GPM6A: variants seen among roughly 807,000 people sequenced by gnomAD.
The protein encoded by GPM6A is neuronal membrane glycoprotein M6-a.
Under a neutral mutation model 32.1 loss-of-function variants are expected in GPM6A, and 7 were observed. That is an observed-to-expected ratio of 0.22 (90% CI 0.12 to 0.41). GPM6A has a LOEUF of 0.41. Among genes scored for constraint, GPM6A ranks in the 10% least tolerant of loss-of-function variants. GPM6A has a pLI of 1.00. For synonymous variants in GPM6A, 130 were observed against 123.4 expected (o/e 1.05, Z -0.35); for missense variants, 235 against 347.2 (o/e 0.68, Z 2.57).
At chr4:175,986,052 C>G (rs1383235170) in intron 1 of GPM6A, among the ~76,000 whole-genome samples, 6 of 152,106 alleles carry the variant, frequency 3.9e-5, no homozygotes, top group Admixed American at 2.6e-4. Context: ...GATCTGCCCC[C>G]CTCAGCCTCC....
At chr4:175,674,388 G>A (rs909986137) in intron 2 of GPM6A, among the ~76,000 whole-genome samples, 17 of 152,114 alleles carry the variant, frequency 1.1e-4, no homozygotes, top group African/African-American at 4.1e-4. Context: ...TGTTGGCCAG[G>A]CTGGTTCAAA....
At chr4:175,782,190 C>T (rs527999169) in intron 1 of GPM6A, among the ~76,000 whole-genome samples, 1 of 152,224 alleles carries the variant, frequency 6.6e-6, no homozygotes, top group African/African-American at 2.4e-5. Context: ...TATCTAACCC[C>T]AATTTTATTT....
intron 1 of GPM6A, among the ~76,000 whole-genome samples, chr4:175,895,473 T>C (rs1164893087): frequency 6.6e-6 from 1 of 152,168 alleles, no homozygotes; most frequent in African/African-American, 2.4e-5. Flanking sequence ...GTAACTAACA[T>C]TTCAAAAGTG....
intron 4 of GPM6A, among the ~76,000 whole-genome samples, chr4:175,650,473 T>A (rs1472129652): frequency 6.6e-6 from 1 of 151,996 alleles, no homozygotes; most frequent in Non-Finnish European, 1.5e-5. Context: ...CCTGGCTAAT[T>A]TTTTAATTTT....
At chr4:175,687,584 A>C (rs773239242) in intron 2 of GPM6A, among the ~76,000 whole-genome samples, 1 of 151,802 alleles carries the variant, frequency 6.6e-6, no homozygotes, top group Non-Finnish European at 1.5e-5. Flanking sequence ...ATCCATGTAC[A>C]TTTTGTCTGT....
chr4:175,832,751 T>C (rs1157585543), intron 1 of GPM6A, among the ~76,000 whole-genome samples: 4 of 152,224 alleles, frequency 2.6e-5, no homozygotes, highest in Non-Finnish European at 5.9e-5. Flanking sequence ...TATATTGATC[T>C]GTTATATTAT....
chr4:175,893,875 C>T (rs1015955105), intron 1 of GPM6A, among the ~76,000 whole-genome samples: 1 of 151,706 alleles, frequency 6.6e-6, no homozygotes, highest in Non-Finnish European at 1.5e-5. Flanking sequence ...TGCTAAAACT[C>T]GGTAAGAAAA....
At chr4:175,838,080 C>A (rs1735822097) in intron 1 of GPM6A, among the ~76,000 whole-genome samples, 1 of 139,744 alleles carries the variant, frequency 7.2e-6, no homozygotes, top group African/African-American at 2.7e-5. Flanking sequence ...GTTCAGTAGG[C>A]CTTGGTTAAA....
intron 1 of GPM6A, among the ~76,000 whole-genome samples, chr4:175,906,282 G>A (rs1435803629): frequency 6.6e-6 from 1 of 152,102 alleles, no homozygotes; most frequent in African/African-American, 2.4e-5. Context: ...ATCTCACAAT[G>A]ATTCATTAAA....
chr4:175,971,476 A>G (rs1740500443), intron 1 of GPM6A, among the ~76,000 whole-genome samples: 1 of 152,182 alleles, frequency 6.6e-6, no homozygotes, highest in African/African-American at 2.4e-5. Flanking sequence ...TCACGTAAAA[A>G]TTAGAACCAA....
Position 175,808,409 on chromosome 4 carries a change from T to C in GPM6A, c.37+3782A>G, listed in dbSNP as rs1262183252. 4.6e-5 allele frequency among the ~76,000 whole-genome samples: 7 copies of C among 152,182 alleles called. No individual in the cohort carries two copies. The East Asian group carries it at 7.7e-4, about 17-fold the overall frequency. ...TGAGATAGATCAACATTAACATTGA[T>C]ATGAAAAACAAAGAAAATAAACCTG... On this transcript the variant is annotated intron_variant, in intron 1 of 6. Coordinates refer to ENST00000393658, the MANE Select transcript of GPM6A (RefSeq NM_201591.3).
intron 1 of GPM6A, among the ~76,000 whole-genome samples, chr4:175,726,752 T>C (rs1731171880): frequency 6.6e-6 from 1 of 152,312 alleles, no homozygotes; most frequent in African/African-American, 2.4e-5. Flanking sequence ...TCCCAGCATG[T>C]GGGGAGGCCG....
At chr4:175,890,305 A>G (rs1737600095) in intron 1 of GPM6A, among the ~76,000 whole-genome samples, 1 of 152,142 alleles carries the variant, frequency 6.6e-6, no homozygotes, top group East Asian at 1.9e-4. Context: ...TAGAATAAAC[A>G]CCCTAAAGAA....
intron 1 of GPM6A, among the ~76,000 whole-genome samples, chr4:175,939,094 G>T (rs1172924484): frequency 6.6e-6 from 1 of 152,136 alleles, no homozygotes; most frequent in African/African-American, 2.4e-5. Context: ...CATACCTAAA[G>T]ATGTGAATCC....
intron 1 of GPM6A, among the ~76,000 whole-genome samples, chr4:175,984,947 GT>G (rs1358566843): frequency 6.6e-6 from 1 of 152,072 alleles, no homozygotes; most frequent in East Asian, 1.9e-4. Context: ...CCTATATTGG[GT>G]TATAGTCATC....
At chr4:175,778,165 T>G (rs1040897014) in intron 1 of GPM6A, among the ~76,000 whole-genome samples, 4 of 152,198 alleles carry the variant, frequency 2.6e-5, no homozygotes, top group African/African-American at 9.7e-5. Flanking sequence ...TTCTGTTTTC[T>G]TATGGGATTA....
At chr4:175,884,753 C>T (rs755469283) in intron 1 of GPM6A, among the ~76,000 whole-genome samples, 2 of 151,910 alleles carry the variant, frequency 1.3e-5, no homozygotes, top group East Asian at 1.9e-4. Flanking sequence ...AGGTTGGTCT[C>T]GAACTCCTGA....
At chr4:175,637,962 C>T (rs1190961888) in intron 6 of GPM6A, among the ~76,000 whole-genome samples, 1 of 139,566 alleles carries the variant, frequency 7.2e-6, no homozygotes, top group African/African-American at 2.7e-5. Context: ...ACAGGTGCTT[C>T]CTCATGGTTC....
At chr4:175,726,432 C>A (rs370621840) in intron 1 of GPM6A, among the ~76,000 whole-genome samples, 1 of 152,120 alleles carries the variant, frequency 6.6e-6, no homozygotes. Context: ...ACTGTTGTCT[C>A]CATATTGTAG....
Sources: allele counts gnomAD v4.1 joint callset (sites outside exome capture counted in the v4.1 genomes callset), GRCh38; gene constraint gnomAD v4.1.1; transcripts MANE v1.5; gene names NCBI Gene and HGNC (gene_info 2026-07-23, HGNC 2026-07-21).